Variants in PANK4 observed in about 807,000 individuals in gnomAD.
PANK4 encodes pantothenate kinase 4 (inactive), also known as 4'-phosphopantetheine phosphatase.
PANK4 carries 40 observed loss-of-function variants against 87.9 expected under a neutral mutation model. The observed-to-expected ratio is 0.46, with a 90% CI of 0.35 to 0.59. The LOEUF (loss-of-function observed/expected upper bound fraction) is 0.59. PANK4 is among the 20% of genes least tolerant of loss of function. The pLI is 0.00. For synonymous variants in PANK4, 524 were observed against 467.4 expected (o/e 1.12, Z -1.56); for missense variants, 926 against 1,072.3 (o/e 0.86, Z 1.90).
At position 2,520,663 on chromosome 1, in the gene PANK4, G is replaced by A. The variant is rs568902515; in HGVS notation, c.606+60C>T. ...CCCAGCCCTGGCTCCTGCACACAGC[G>A]AGGGCTTAACAAACTATGGCTAAAC... On this transcript the variant is annotated intron_variant, in intron 4 of 18. Transcript: ENST00000378466. The surrounding 1 kb of genome is among the most constrained non-coding windows in gnomAD (Gnocchi z 6.2). The A allele has an allele frequency of 7.3e-6, 11 of 1,508,120 alleles. No homozygotes were observed. Among genetic ancestry groups the A allele is most frequent in the Non-Finnish European group, 9.1e-6 (10 of 1,094,376 alleles). The allele number at this position is 1,508,120 out of a possible 1,614,324, so 93.4% of individuals were successfully genotyped here.
In PANK4 at chr1:2,520,988, A is replaced by ATG; in HGVS notation, c.423-83_423-82insCA. Reference sequence around the variant, plus strand: ...GCAAGCCTGCCTGGTCCGAAGGGGCAGCCATGCCCCATGCGCAATCTGACA... The same window carrying ATG: ...GCAAGCCTGCCTGGTCCGAAGGGGCATGGCCATGCCCCATGCGCAATCTGACA... On this transcript the variant is annotated intron_variant, in intron 3 of 18. Coordinates refer to ENST00000378466, the MANE Select transcript of PANK4 (RefSeq NM_018216.4). This position sits in a 1 kb window ranked among gnomAD's most constrained non-coding sequence, Gnocchi z 6.2. The ATG allele has an allele frequency of 6.6e-7, 1 of 1,525,366 alleles. No homozygotes were observed. The highest frequency in any genetic ancestry group is 8.9e-7 in the Non-Finnish European group (1 of 1,119,432). The allele number at this position is 1,525,366 out of a possible 1,614,324, so 94.5% of individuals were successfully genotyped here.
At chr1:2,514,915 C>T (rs1278303462) in intron 10 of PANK4, among the ~76,000 whole-genome samples, 1 of 152,118 alleles carries the variant, frequency 6.6e-6, no homozygotes, top group African/African-American at 2.4e-5. Flanking sequence ...CAGACTCGAG[C>T]CCCCATCCTG....
chr1:2,516,298 T>TGG (rs1643775276), intron 9 of PANK4, among the ~76,000 whole-genome samples: 1 of 152,100 alleles, frequency 6.6e-6, no homozygotes, highest in South Asian at 2.1e-4. Context: ...CCCAGCACGT[T>TGG]CTGTCCATGA....
Position 2,509,902 on chromosome 1 carries a change from G to A in PANK4, c.2068C>T (p.Leu690=). The stretch of plus-strand genomic sequence containing the variant: ...GGGGAGCTGGAGCCCGTCTGCACCA[G>A]CAGCAGCCTCTCTTCCTGGAGCGCA... ...HSALQEERLL[L]VQTGSSSPCL... is the part of the protein sequence containing the mutation. Residue 690 remains leucine, a synonymous_variant, in exon 18 of 19, where the codon CTG becomes TTG. Transcript: ENST00000378466. The surrounding 1 kb of genome is among the most constrained non-coding windows in gnomAD (Gnocchi z 4.9). The A allele has an allele frequency of 6.2e-7, 1 of 1,612,094 alleles. No homozygotes were observed. Among genetic ancestry groups the A allele is most frequent in the South Asian group, 1.1e-5 (1 of 90,948 alleles).
intron 9 of PANK4, among the ~76,000 whole-genome samples, chr1:2,517,906 A>G (rs1186780747): frequency 3.9e-5 from 6 of 152,244 alleles, no homozygotes; most frequent in Non-Finnish European, 8.8e-5. Context: ...GCAAACAAGA[A>G]GGCCGGATCA....
rs1028850302 is a variant in PANK4, at chr1:2,519,612, C to A, written c.853+189G>T. 1.3e-5 allele frequency among the ~76,000 whole-genome samples: 2 copies of A among 152,262 alleles called. No homozygotes were observed. Among genetic ancestry groups the A allele is most frequent in the African/African-American group, 4.8e-5 (2 of 41,466 alleles). ...CCAAAACCAAGACCGTGGCGTTTAT[C>A]TGCCGACGTTCTGAGCAGTGGGCCT... On this transcript the variant is annotated intron_variant, in intron 6 of 18. Coordinates refer to ENST00000378466, the MANE Select transcript of PANK4 (RefSeq NM_018216.4). This position sits in a 1 kb window ranked among gnomAD's most constrained non-coding sequence, Gnocchi z 8.3.
In PANK4 at chr1:2,518,674, G is replaced by A. The variant is rs1032961729; in HGVS notation, c.1036-77C>T. On this transcript the variant is annotated intron_variant, in intron 7 of 18. Transcript: ENST00000378466. ...GCCTCCGCAAACCAGCTCAACGTGC[G>A]CGGGCCTCGCACCGCGCGGCCCAAA... 2.0e-5 allele frequency: 25 copies of A among 1,235,580 alleles called. 1 individual carries two copies. The highest frequency in any genetic ancestry group is 3.7e-4 in the Middle Eastern group (2 of 5,438). 76.5% of individuals were successfully genotyped at this position (1,235,580 alleles called of 1,614,324 possible).
chr1:2,521,612 A>C, intron 2 of PANK4, 106 bp downstream of exon 2: 1 of 935,694 alleles, frequency 1.1e-6, no homozygotes, highest in Non-Finnish European at 1.8e-6. Flanking sequence ...CCAGGACACT[A>C]AAGTCGAGGT....
chr1:2,526,345 G>A (rs1236464665), intron 1 of PANK4, 119 bp downstream of exon 1: 3 of 493,346 alleles, frequency 6.1e-6, no homozygotes, highest in Admixed American at 6.4e-5. Flanking sequence ...AGGCCCGTGA[G>A]GCTGTGCGCG....
chr1:2,509,254 G>C lies in PANK4; in HGVS notation c.2109-194C>G, dbSNP rs1643619346. On this transcript the variant is annotated intron_variant, in intron 18 of 18. Transcript: ENST00000378466. This position sits in a 1 kb window ranked among gnomAD's most constrained non-coding sequence, Gnocchi z 4.9. Reference sequence around the variant, plus strand: ...CAGAGCAGCAGCTCACACAGGGCCAGAGCAGCTGCAGCTTGGAAACTCTGC... The same window carrying C: ...CAGAGCAGCAGCTCACACAGGGCCACAGCAGCTGCAGCTTGGAAACTCTGC... Among the ~76,000 whole-genome samples the C allele has an allele frequency of 6.6e-6, 1 of 152,172 alleles. No homozygotes were observed. The highest frequency in any genetic ancestry group is 2.1e-4 in the South Asian group (1 of 4,828).
chr1:2,517,009 C>T (rs746787005), intron 9 of PANK4, among the ~76,000 whole-genome samples: 5 of 152,246 alleles, frequency 3.3e-5, no homozygotes, highest in African/African-American at 4.8e-5. Flanking sequence ...GCCTCCTGAA[C>T]GGGGCCCCCG....
Position 2,510,751 on chromosome 1 carries a change from G to A in PANK4, c.1865C>T (p.Ala622Val). ...AATGATGTCTATTCCACTGTTATCT[G>A]CGAAAATTAAGGCACATTTATGAGG... Reference protein sequence around the residue: ...GPPHKCALIFADNSGIDIILG... With the variant: ...GPPHKCALIFVDNSGIDIILG... Residue 622 changes from alanine (A) to valine (V), a missense_variant, in exon 16 of 19, where the codon GCA becomes GTA. Coordinates refer to ENST00000378466, the MANE Select transcript of PANK4 (RefSeq NM_018216.4). This position sits in a 1 kb window ranked among gnomAD's most constrained non-coding sequence, Gnocchi z 4.9. The A allele has an allele frequency of 6.2e-7, 1 of 1,612,308 alleles. No homozygotes were observed. The highest frequency in any genetic ancestry group is 8.5e-7 in the Non-Finnish European group (1 of 1,178,934).
rs908204338 is a variant in PANK4, at chr1:2,515,668, G to C, written c.1268C>G (p.Pro423Arg). 6.2e-7 allele frequency: 1 copy of C among 1,612,746 alleles called. No homozygotes were observed. The highest frequency in any genetic ancestry group is 8.5e-7 in the Non-Finnish European group (1 of 1,179,868). The change falls in exon 10 of 19, where the codon CCG becomes CGG. Residue 423 changes from proline to arginine, a missense_variant. Physicochemically the swap from Pro to Arg is moderately radical, Grantham distance 103. Transcript: ENST00000378466. This position sits in a 1 kb window ranked among gnomAD's most constrained non-coding sequence, Gnocchi z 5.0. ...GTAGGAGGGCGGGTCCAGGAGGAGCGGCAGGTCAACCAGTGGCCTCTCCAG... is the reference window on the plus strand; with the variant it reads ...GTAGGAGGGCGGGTCCAGGAGGAGCCGCAGGTCAACCAGTGGCCTCTCCAG... ...DRLERPLVDL[P>R]LLLDPPSYVP...
At chr1:2,525,100 GC>G (rs1643908969) in intron 1 of PANK4, among the ~76,000 whole-genome samples, 1 of 152,008 alleles carries the variant, frequency 6.6e-6, no homozygotes, top group South Asian at 2.1e-4. Context: ...CATTCTCATC[GC>G]CCCCCACTTC....
At position 2,514,041 on chromosome 1, in the gene PANK4, G is replaced by A. The variant is rs895145288; in HGVS notation, c.1536C>T (p.His512=). The change falls in exon 12 of 19, where the codon CAC becomes CAT. Residue 512 remains histidine (H), a synonymous_variant. Coordinates refer to ENST00000378466, the MANE Select transcript of PANK4 (RefSeq NM_018216.4). ...TVRSLLDTRE[H]CLNEFNFPDP... is the part of the protein sequence containing the mutation. ...CCGGGAAGTTGAACTCGTTCAGACA[G>A]TGCTCCCTGGTGTCCAGCAGGCTGC... 1 of 1,612,896 alleles carries A rather than the reference G, an allele frequency of 6.2e-7. No homozygotes were observed. The highest frequency in any genetic ancestry group is 1.3e-5 in the African/African-American group (1 of 75,074).
Position 2,521,080 on chromosome 1 carries a change from G to A in PANK4, c.422+21C>T, listed in dbSNP as rs779448453. ...GGGGGCAGACACATGTTCCTTTCTC[G>A]CCCTTGAGATCCCCACTCACTTCAG... On this transcript the variant is annotated intron_variant, in intron 3 of 18. Transcript: ENST00000378466. 54 of 1,596,250 alleles carry A rather than the reference G, an allele frequency of 3.4e-5. No individual in the cohort carries two copies. The East Asian group carries it at 9.4e-4, about 28-fold the overall frequency.
At chr1:2,518,451 G>A in intron 8 of PANK4, 65 bp downstream of exon 8, 1 of 1,415,536 alleles carries the variant, frequency 7.1e-7, no homozygotes, top group South Asian at 1.2e-5. Context: ...GCCCTGGCCT[G>A]GAGCACAGGC....
Position 2,514,012 on chromosome 1 carries a change from G to C in PANK4, c.1565C>G (p.Pro522Arg). Residue 522 changes from proline to arginine, a missense_variant, in exon 12 of 19, where the codon CCC becomes CGC. Coordinates refer to ENST00000378466, the MANE Select transcript of PANK4 (RefSeq NM_018216.4). ...GCACACTGCACTTACTTTGGAGTAG[G>C]GATCCGGGAAGTTGAACTCGTTCAG... ...HCLNEFNFPD[P>R]YSKVKQRENG... The C allele has an allele frequency of 6.2e-7, 1 of 1,611,562 alleles. No individual in the cohort carries two copies. Among genetic ancestry groups the C allele is most frequent in the Non-Finnish European group, 8.5e-7 (1 of 1,178,692 alleles).
At chr1:2,522,408 G>A (rs966754089) in intron 1 of PANK4, among the ~76,000 whole-genome samples, 45 of 152,268 alleles carry the variant, frequency 3.0e-4, no homozygotes, top group Admixed American at 5.9e-4. Context: ...TTCCCCACAG[G>A]CCAAAGTCTC....
Sources: gnomAD v4.1 joint callset for allele counts (sites outside exome capture counted in the v4.1 genomes callset) on GRCh38, gnomAD v4.1.1 for gene constraint, Gnocchi (gnomAD v3.1) non-coding constraint, MANE v1.5 for transcripts, NCBI Gene and HGNC (gene_info 2026-07-23, HGNC 2026-07-21) for gene names.